LURAP1L: variants seen among roughly 807,000 people sequenced by gnomAD.
LURAP1L encodes the protein leucine rich adaptor protein 1 like.
Under a neutral mutation model 13.8 loss-of-function variants are expected in LURAP1L, and 12 were observed. That is an observed-to-expected ratio of 0.87 (90% CI 0.56 to 1.41). LURAP1L has a LOEUF of 1.41. Among genes scored for constraint, LURAP1L ranks in the 40% most tolerant of loss-of-function variants. The pLI is 0.00. For synonymous variants in LURAP1L, 139 were observed against 119.2 expected (o/e 1.17, Z -1.08); for missense variants, 375 against 292.9 (o/e 1.28, Z -2.04).
chr9:12,795,593 A>G lies in LURAP1L; in HGVS notation c.312+19566A>G, dbSNP rs573350330. Among the ~76,000 whole-genome samples the G allele has an allele frequency of 5.9e-5, 9 of 152,148 alleles. No homozygotes were observed. In the South Asian group the frequency reaches 1.9e-3, roughly 32 times the overall value. On this transcript the variant is annotated intron_variant, in intron 1 of 1. Coordinates refer to ENST00000319264, the MANE Select transcript of LURAP1L (RefSeq NM_203403.2). ...GATGGTTATGTTGGAGTTAATGAGA[A>G]CAAGACTGAAAAGGTAAAATCAGCC...
At chr9:12,782,716 C>T (rs1009050283) in intron 1 of LURAP1L, among the ~76,000 whole-genome samples, 1 of 152,130 alleles carries the variant, frequency 6.6e-6, no homozygotes, top group South Asian at 2.1e-4. Context: ...CTTTTCTGAT[C>T]CCATATAAAT....
intron 1 of LURAP1L, among the ~76,000 whole-genome samples, chr9:12,809,913 A>G (rs1225982746): frequency 3.3e-5 from 5 of 152,146 alleles, no homozygotes; most frequent in Non-Finnish European, 7.3e-5. Flanking sequence ...TTTTTGCTGT[A>G]ATCCCCTGTT....
intron 1 of LURAP1L, among the ~76,000 whole-genome samples, chr9:12,807,037 A>T (rs1318775498): frequency 1.4e-5 from 2 of 143,266 alleles, no homozygotes; most frequent in Admixed American, 7.3e-5. Flanking sequence ...AAAAAAAAAA[A>T]AAAAAAAATG....
At chr9:12,791,375 T>C (rs965301087) in intron 1 of LURAP1L, among the ~76,000 whole-genome samples, 2 of 152,054 alleles carry the variant, frequency 1.3e-5, no homozygotes, top group Non-Finnish European at 2.9e-5. Flanking sequence ...ACCTTTTAAA[T>C]ACCCATTTTC....
intron 1 of LURAP1L, among the ~76,000 whole-genome samples, chr9:12,817,589 T>C (rs1209700925): frequency 2.0e-5 from 3 of 152,182 alleles, no homozygotes; most frequent in Non-Finnish European, 2.9e-5. Flanking sequence ...GGAGGTGACA[T>C]TTAAACTCAG....
At chr9:12,803,263 C>T (rs10960801) in intron 1 of LURAP1L, among the ~76,000 whole-genome samples, 19,799 of 152,198 alleles carry the variant, frequency 0.13, 1,889 homozygotes, top group East Asian at 0.41. Context: ...TTCTAACATG[C>T]TGTATCAGAG....
chr9:12,780,808 TAAG>T (rs1819259248), intron 1 of LURAP1L, among the ~76,000 whole-genome samples: 1 of 152,050 alleles, frequency 6.6e-6, no homozygotes, highest in Admixed American at 6.6e-5. Context: ...ATTGTATAAA[TAAG>T]AAGAAAAGTT....
At chr9:12,805,399 A>G (rs1305173221) in intron 1 of LURAP1L, among the ~76,000 whole-genome samples, 2 of 152,194 alleles carry the variant, frequency 1.3e-5, no homozygotes, top group Admixed American at 6.5e-5. Flanking sequence ...ATATGCATAT[A>G]TGAATACTAA....
Position 12,788,194 on chromosome 9 carries a change from A to AGAAAGAAAGAAAGAAAG in LURAP1L, c.312+12167_312+12168insGAAAGAAAGAAAGAAAG, listed in dbSNP as rs1554657448. ...AAGAAAGAAAGAAAGAAAGAAAGAA[A>AGAAAGAAAGAAAGAAAG]AGAAAAGAAAAGAAAAGCTCAATGT... On this transcript the variant is annotated intron_variant, in intron 1 of 1. Coordinates refer to ENST00000319264, the MANE Select transcript of LURAP1L (RefSeq NM_203403.2). Among the ~76,000 whole-genome samples, 983 of 151,502 alleles carry AGAAAGAAAGAAAGAAAG rather than the reference A, an allele frequency of 6.5e-3. 28 individuals are homozygous for AGAAAGAAAGAAAGAAAG. The highest frequency in any genetic ancestry group is 0.064 in the East Asian group (323 of 5,026).
In LURAP1L at chr9:12,775,979, C is replaced by T; in HGVS notation, c.264C>T (p.Ser88=). Reference sequence around the variant, plus strand: ...GCTCCCCACGAGGTAGCCACTCTAGCGCCCTGGAGAGGCTAGAAACCAAGC... The same window carrying T: ...GCTCCCCACGAGGTAGCCACTCTAGTGCCCTGGAGAGGCTAGAAACCAAGC... ...TSGSPRGSHS[S]ALERLETKLH... is the part of the protein sequence containing the mutation. The change falls in exon 1 of 2, where the codon AGC becomes AGT. Residue 88 remains serine (S), a synonymous_variant. Coordinates refer to ENST00000319264, the MANE Select transcript of LURAP1L (RefSeq NM_203403.2). 1 of 1,605,950 alleles carries T rather than the reference C, an allele frequency of 6.2e-7. No homozygotes were observed. The highest frequency in any genetic ancestry group is 8.5e-7 in the Non-Finnish European group (1 of 1,176,462).
chr9:12,777,703 A>G, intron 1 of LURAP1L: 2 of 408,878 alleles, frequency 4.9e-6, no homozygotes, highest in Non-Finnish European at 6.6e-6. Flanking sequence ...AAAACCGATG[A>G]ACCCCACCCT....
At chr9:12,814,572 G>A (rs370193050) in intron 1 of LURAP1L, among the ~76,000 whole-genome samples, 7 of 152,136 alleles carry the variant, frequency 4.6e-5, no homozygotes, top group East Asian at 3.9e-4. Flanking sequence ...CTGAAAAGCT[G>A]CATGTATTAC....
At chr9:12,776,351 G>T (rs563169091) in intron 1 of LURAP1L, among the ~76,000 whole-genome samples, 1 of 152,172 alleles carries the variant, frequency 6.6e-6, no homozygotes, top group Non-Finnish European at 1.5e-5. Context: ...GCACCAGCCC[G>T]TTGAGAGTTT....
chr9:12,794,667 G>T lies in LURAP1L; in HGVS notation c.312+18640G>T, dbSNP rs192078910. ...TAAACACTGATGATGCAAATCTATA[G>T]TAAACATACATATTTCCAAATCCTC... On this transcript the variant is annotated intron_variant, in intron 1 of 1. Coordinates refer to ENST00000319264, the MANE Select transcript of LURAP1L (RefSeq NM_203403.2). Among the ~76,000 whole-genome samples, 10 of 151,996 alleles carry T rather than the reference G, an allele frequency of 6.6e-5. No homozygotes were observed. The East Asian group carries it at 1.7e-3, about 27-fold the overall frequency.
intron 1 of LURAP1L, among the ~76,000 whole-genome samples, chr9:12,795,232 G>A (rs1466262821): frequency 6.6e-6 from 1 of 151,644 alleles, no homozygotes; most frequent in East Asian, 1.9e-4. Context: ...TACACTTTTT[G>A]TAGTTAACTC....
chr9:12,786,655 T>C (rs899642150), intron 1 of LURAP1L, among the ~76,000 whole-genome samples: 44 of 147,722 alleles, frequency 3.0e-4, no homozygotes, highest in South Asian at 1.3e-3. Context: ...TTCTTAAATT[T>C]GCTCATCTGG....
At chr9:12,781,632 TACA>T (rs1188898717) in intron 1 of LURAP1L, among the ~76,000 whole-genome samples, 4 of 152,210 alleles carry the variant, frequency 2.6e-5, no homozygotes, top group Admixed American at 1.3e-4. Context: ...TGTGCGTACG[TACA>T]ACATTTTCTT....
chr9:12,802,699 C>G (rs1182074359), intron 1 of LURAP1L, among the ~76,000 whole-genome samples: 1 of 152,120 alleles, frequency 6.6e-6, no homozygotes, highest in Non-Finnish European at 1.5e-5. Context: ...AAACTCCTGT[C>G]AAGTGCCTCT....
rs778661483 is a variant in LURAP1L at position 12,776,003 on chromosome 9, G to A, written c.288G>A (p.Lys96=). The part of the protein sequence containing the change: ...HSSALERLET[K]LHLLRQEMVN... ...GCGCCCTGGAGAGGCTAGAAACCAA[G>A]CTTCACCTCCTCAGGCAAGAGATGG... is the stretch of plus-strand genomic sequence containing the variant. Residue 96 remains lysine, a synonymous_variant, in exon 1 of 2, where the codon AAG becomes AAA. Transcript: ENST00000319264. 2.5e-6 allele frequency: 4 copies of A among 1,611,842 alleles called. No homozygotes were observed. The highest frequency in any genetic ancestry group is 2.2e-5 in the South Asian group (2 of 90,540).
Sources: gnomAD v4.1 joint callset for allele counts (sites outside exome capture counted in the v4.1 genomes callset) on GRCh38, gnomAD v4.1.1 for gene constraint, MANE v1.5 for transcripts, NCBI Gene and HGNC (gene_info 2026-07-23, HGNC 2026-07-21) for gene names.